Variants in MAP3K13 observed in about 807,000 individuals in gnomAD.
MAP3K13 encodes the protein leucine zipper-bearing kinase.
MAP3K13 carries 52 observed loss-of-function variants against 104.0 expected under a neutral mutation model. The ratio of observed to expected loss-of-function variants is 0.50; its 90% CI spans 0.40 to 0.63. MAP3K13 has a LOEUF of 0.63. Among genes scored for constraint, MAP3K13 ranks in the 20% least tolerant of loss-of-function variants. MAP3K13 has a pLI of 0.00. For synonymous variants in MAP3K13, 394 were observed against 442.2 expected (o/e 0.89, Z 1.37); for missense variants, 914 against 1,218.5 (o/e 0.75, Z 3.72).
chr3:185,361,333 T>A (rs1006093873), upstream of MAP3K13, among the ~76,000 whole-genome samples: 4 of 151,842 alleles, frequency 2.6e-5, no homozygotes, highest in Middle Eastern at 3.2e-3. Context: ...TGTATCCTGA[T>A]TGGCTTTGGT....
At chr3:185,407,711 C>G (rs1713193983) in intron 1 of MAP3K13, among the ~76,000 whole-genome samples, 1 of 152,090 alleles carries the variant, frequency 6.6e-6, no homozygotes, top group African/African-American at 2.4e-5. Flanking sequence ...TTCCCCACAC[C>G]TTGCCCCTAT....
At chr3:185,375,898 G>A (rs1236866790) in intron 1 of MAP3K13, among the ~76,000 whole-genome samples, 1 of 152,182 alleles carries the variant, frequency 6.6e-6, no homozygotes, top group Non-Finnish European at 1.5e-5. Flanking sequence ...CATATTTAGA[G>A]TCAGTATAAA....
intron 2 of MAP3K13, among the ~76,000 whole-genome samples, chr3:185,297,401 G>A (rs1392675671): frequency 1.3e-5 from 2 of 152,150 alleles, no homozygotes; most frequent in African/African-American, 4.8e-5. Context: ...TCCAGTGGTT[G>A]TGGCTTCCTT....
chr3:185,453,854 GATAT>G (rs57019394), intron 7 of MAP3K13, among the ~76,000 whole-genome samples: 59 of 4,920 alleles, frequency 0.012, 10 homozygotes, highest in African/African-American at 0.02. Flanking sequence ...ATATATATGA[GATAT>G]ATATATATGA....
intron 1 of MAP3K13, chr3:185,417,884 G>A (rs1404380507): frequency 1.2e-6 from 2 of 1,603,630 alleles, no homozygotes; most frequent in Non-Finnish European, 8.5e-7. Flanking sequence ...AGGGCTCTTT[G>A]GATCTCTGGG....
intron 2 of MAP3K13, among the ~76,000 whole-genome samples, chr3:185,303,371 G>T (rs1721174199): frequency 6.6e-6 from 1 of 152,076 alleles, no homozygotes; most frequent in South Asian, 2.1e-4. Flanking sequence ...TCAATTTTTT[G>T]AAAGAGTTTG....
chr3:185,363,873 T>C (rs1026979159), intron 1 of MAP3K13, among the ~76,000 whole-genome samples: 3 of 152,236 alleles, frequency 2.0e-5, no homozygotes, highest in African/African-American at 7.2e-5. Flanking sequence ...TTGGTGAAGA[T>C]GAATACTTGT....
intron 2 of MAP3K13, among the ~76,000 whole-genome samples, chr3:185,313,208 T>G (rs542837530): frequency 1.4e-5 from 2 of 147,802 alleles, no homozygotes; most frequent in South Asian, 4.3e-4. Flanking sequence ...AAGGGGAAAA[T>G]GTAGAATAAA....
rs1461685234 is a variant in MAP3K13, at chr3:185,473,221, T to A, written c.1890T>A (p.Ser630=). The change falls in exon 11 of 14, where the codon TCT becomes TCA. Residue 630 remains serine, a synonymous_variant. Transcript: ENST00000265026. This position sits in a 1 kb window ranked among gnomAD's most constrained non-coding sequence, Gnocchi z 4.9. ...YLHQAQSQYP[S]LHHHNSLQQQ... is the part of the protein sequence containing the mutation. Reference sequence around the variant, plus strand: ...ACCAAGCTCAATCCCAATACCCTTCTCTTCATCACCATAATTCTCTGCAGC... The same window carrying A: ...ACCAAGCTCAATCCCAATACCCTTCACTTCATCACCATAATTCTCTGCAGC... 7 of 1,613,992 alleles carry A rather than the reference T, an allele frequency of 4.3e-6. No individual in the cohort carries two copies. Among genetic ancestry groups the A allele is most frequent in the African/African-American group, 1.3e-5 (1 of 74,890 alleles).
chr3:185,399,604 C>CAGAA (rs1214971823), intron 1 of MAP3K13, among the ~76,000 whole-genome samples: 1 of 118,918 alleles, frequency 8.4e-6, no homozygotes, highest in East Asian at 2.4e-4. Context: ...GAGACTCCGT[C>CAGAA]AGAAAGAAAG....
At chr3:185,299,923 T>C (rs553009258) in intron 2 of MAP3K13, among the ~76,000 whole-genome samples, 1 of 152,300 alleles carries the variant, frequency 6.6e-6, no homozygotes, top group South Asian at 2.1e-4. Flanking sequence ...GTTAACGGTA[T>C]ATATATTGTT....
chr3:185,397,914 T>A (rs1015968587), intron 1 of MAP3K13, among the ~76,000 whole-genome samples: 1 of 151,974 alleles, frequency 6.6e-6, no homozygotes, highest in Non-Finnish European at 1.5e-5. Context: ...CTTTGAAAGG[T>A]CGCCTGGTCT....
intron 1 of MAP3K13, among the ~76,000 whole-genome samples, chr3:185,384,451 C>T (rs1322844437): frequency 1.3e-5 from 2 of 152,038 alleles, no homozygotes; most frequent in South Asian, 2.1e-4. Flanking sequence ...CCCTTTGATA[C>T]ACTGATTTCC....
intron 1 of MAP3K13, among the ~76,000 whole-genome samples, chr3:185,415,855 T>C (rs1347030051): frequency 3.3e-5 from 5 of 152,176 alleles, no homozygotes. Flanking sequence ...AGTGCCGGGA[T>C]TGCAGGTGTG....
Position 185,363,183 on chromosome 3 carries a change from A to G in MAP3K13, c.-271A>G. The G allele has an allele frequency of 1.0e-6, 1 of 985,136 alleles. No homozygotes were observed. The highest frequency in any genetic ancestry group is 1.2e-6 in the Non-Finnish European group (1 of 829,872). The allele number at this position is 985,136 out of a possible 1,614,324, so 61.0% of individuals were successfully genotyped here. On this transcript the variant is annotated 5_prime_UTR_variant, in exon 1 of 14. Coordinates refer to ENST00000265026, the MANE Select transcript of MAP3K13 (RefSeq NM_004721.5). ...CTGTGCGGAATCCTAAACCAGCCCA[A>G]TTTACATCCATTCATGAATCTGTGA... is the stretch of plus-strand genomic sequence containing the variant.
In MAP3K13 at chr3:185,373,559, T is replaced by C. The variant is rs571900493; in HGVS notation, c.-86+10191T>C. Reference sequence around the variant, plus strand: ...CAAGAGGCCGAGGCACTAGAATCACTTGAACCCAGGAGGCGGAGGTTGCAG... The same window carrying C: ...CAAGAGGCCGAGGCACTAGAATCACCTGAACCCAGGAGGCGGAGGTTGCAG... On this transcript the variant is annotated intron_variant, in intron 1 of 13. Coordinates refer to ENST00000265026, the MANE Select transcript of MAP3K13 (RefSeq NM_004721.5). Among the ~76,000 whole-genome samples, 5 of 152,228 alleles carry C rather than the reference T, an allele frequency of 3.3e-5. No individual in the cohort carries two copies. In the East Asian group the frequency reaches 9.7e-4, roughly 29 times the overall value.
At chr3:185,478,399 G>A (rs1476637710) in intron 12 of MAP3K13, among the ~76,000 whole-genome samples, 1 of 152,080 alleles carries the variant, frequency 6.6e-6, no homozygotes, top group Admixed American at 6.5e-5. Context: ...CAAACCAAAG[G>A]ACTCCTGGCC....
chr3:185,320,914 T>C (rs1260980620), intron 2 of MAP3K13, among the ~76,000 whole-genome samples: 7 of 152,240 alleles, frequency 4.6e-5, no homozygotes. Context: ...TGTTTTTATA[T>C]AAATTAGGAT....
chr3:185,480,755 G>A (rs191048350), intron 13 of MAP3K13, among the ~76,000 whole-genome samples: 14 of 152,310 alleles, frequency 9.2e-5, no homozygotes, highest in Admixed American at 3.3e-4. Context: ...GCACGGCTGG[G>A]AGACCTCAGG....
Sources: gnomAD v4.1 joint callset for allele counts (sites outside exome capture counted in the v4.1 genomes callset) on GRCh38, gnomAD v4.1.1 for gene constraint, Gnocchi (gnomAD v3.1) non-coding constraint, MANE v1.5 for transcripts, NCBI Gene and HGNC (gene_info 2026-07-23, HGNC 2026-07-21) for gene names.